SORCS1: variants seen among roughly 807,000 people sequenced by gnomAD.
The protein encoded by SORCS1 is VPS10 domain-containing receptor SorCS1.
Under a neutral mutation model 146.1 loss-of-function variants are expected in SORCS1, and 60 were observed. The observed-to-expected ratio is 0.41, with a 90% CI of 0.33 to 0.51. SORCS1 has a LOEUF of 0.51. SORCS1 is among the 20% of genes least tolerant of loss of function. SORCS1 has a pLI of 0.21. For synonymous variants in SORCS1, 637 were observed against 584.0 expected (o/e 1.09, Z -1.31); for missense variants, 1,352 against 1,487.6 (o/e 0.91, Z 1.50).
At chr10:106,936,265 G>A (rs1953710703) in intron 2 of SORCS1, among the ~76,000 whole-genome samples, 1 of 152,054 alleles carries the variant, frequency 6.6e-6, no homozygotes, top group Admixed American at 6.6e-5. Context: ...TGGGCACTCA[G>A]TTGCATAATC....
chr10:107,080,387 T>C (rs866725697), intron 1 of SORCS1, among the ~76,000 whole-genome samples: 1 of 152,190 alleles, frequency 6.6e-6, no homozygotes, highest in South Asian at 2.1e-4. Context: ...CACTCCAGCA[T>C]TAGCCAGAAG....
At chr10:106,952,878 G>A (rs1288050339) in intron 2 of SORCS1, among the ~76,000 whole-genome samples, 1 of 151,754 alleles carries the variant, frequency 6.6e-6, no homozygotes, top group East Asian at 1.9e-4. Context: ...AGCTACTTGG[G>A]AGGCTAAGGT....
At chr10:107,146,074 T>A (rs1040415017) in intron 1 of SORCS1, among the ~76,000 whole-genome samples, 1 of 152,178 alleles carries the variant, frequency 6.6e-6, no homozygotes, top group South Asian at 2.1e-4. Flanking sequence ...AGAATTTGCC[T>A]CAAAATTTGA....
At chr10:106,785,448 G>A (rs1946012784) in intron 3 of SORCS1, among the ~76,000 whole-genome samples, 1 of 152,124 alleles carries the variant, frequency 6.6e-6, no homozygotes, top group Non-Finnish European at 1.5e-5. Flanking sequence ...TGATGCCCCT[G>A]TACATGTAAT....
rs188994617 is a variant in SORCS1, at chr10:106,646,049, G to A, written c.2475+6333C>T. On this transcript the variant is annotated intron_variant, in intron 18 of 25. Transcript: ENST00000263054. ...AGAGGCTTAGGTGGGCAGATCACTT[G>A]AGGTCACGAGTTCAAGACCAGCCTG... Among the ~76,000 whole-genome samples the A allele has an allele frequency of 5.3e-5, 8 of 152,198 alleles. No homozygotes were observed. The East Asian group carries it at 7.7e-4, about 15-fold the overall frequency.
chr10:107,011,064 G>A (rs1957677848), intron 1 of SORCS1, among the ~76,000 whole-genome samples: 3 of 152,192 alleles, frequency 2.0e-5, no homozygotes, highest in Admixed American at 6.5e-5. Context: ...AGGAGGACAG[G>A]AACCTCAGAA....
At chr10:107,044,765 T>C (rs1327557767) in intron 1 of SORCS1, among the ~76,000 whole-genome samples, 1 of 139,722 alleles carries the variant, frequency 7.2e-6, no homozygotes, top group Non-Finnish European at 1.5e-5. Context: ...TGAGCCAAGA[T>C]GGCGCCATTG....
chr10:107,006,437 AC>A (rs1441314474), intron 1 of SORCS1, among the ~76,000 whole-genome samples: 2 of 152,198 alleles, frequency 1.3e-5, no homozygotes, highest in African/African-American at 4.8e-5. Flanking sequence ...AGGTGAAAGA[AC>A]CCCAGAAGGG....
At chr10:107,016,798 A>G (rs920539894) in intron 1 of SORCS1, among the ~76,000 whole-genome samples, 34 of 152,218 alleles carry the variant, frequency 2.2e-4, no homozygotes, top group Admixed American at 2.2e-3. Context: ...GACTCATACC[A>G]TAAATATATA....
At chr10:106,876,905 G>A (rs933089886) in intron 2 of SORCS1, among the ~76,000 whole-genome samples, 2 of 152,168 alleles carry the variant, frequency 1.3e-5, no homozygotes, top group African/African-American at 4.8e-5. Flanking sequence ...GATAACTGAA[G>A]AGGGGGCATT....
intron 1 of SORCS1, among the ~76,000 whole-genome samples, chr10:107,035,047 A>G (rs529171880): frequency 2.6e-5 from 4 of 152,198 alleles, no homozygotes; most frequent in African/African-American, 9.6e-5. Flanking sequence ...ACACAAATGC[A>G]TGTACAATTT....
At chr10:107,014,269 A>G (rs916772286) in intron 1 of SORCS1, among the ~76,000 whole-genome samples, 25 of 135,388 alleles carry the variant, frequency 1.8e-4, no homozygotes, top group Non-Finnish European at 2.7e-4. Flanking sequence ...AAAAAAAAAA[A>G]AAAGAAAAGA....
At chr10:106,895,001 A>G (rs1015174258) in intron 2 of SORCS1, among the ~76,000 whole-genome samples, 31 of 152,208 alleles carry the variant, frequency 2.0e-4, no homozygotes, top group African/African-American at 7.5e-4. Flanking sequence ...ATTGATATAA[A>G]CCAGATGTCA....
chr10:106,581,052 T>C (rs1844874188), intron 24 of SORCS1, among the ~76,000 whole-genome samples: 1 of 152,148 alleles, frequency 6.6e-6, no homozygotes, highest in African/African-American at 2.4e-5. Flanking sequence ...TGGTTCAAAA[T>C]TAGAAAACAA....
intron 23 of SORCS1, among the ~76,000 whole-genome samples, chr10:106,597,939 C>G (rs1038472929): frequency 6.6e-6 from 1 of 152,054 alleles, no homozygotes. Context: ...CAAAGTACAG[C>G]CACAACGTAA....
At chr10:106,878,488 T>C (rs1464393208) in intron 2 of SORCS1, among the ~76,000 whole-genome samples, 1 of 151,362 alleles carries the variant, frequency 6.6e-6, no homozygotes, top group African/African-American at 2.4e-5. Flanking sequence ...CTTGCCCCTT[T>C]CTGCCATGTG....
intron 1 of SORCS1, among the ~76,000 whole-genome samples, chr10:107,106,211 T>A (rs1208287267): frequency 6.6e-6 from 1 of 152,180 alleles, no homozygotes; most frequent in Non-Finnish European, 1.5e-5. Context: ...TAAGAGTGTA[T>A]TATATTGAAC....
At chr10:106,758,836 C>G (rs570597219) in intron 5 of SORCS1, among the ~76,000 whole-genome samples, 1 of 152,252 alleles carries the variant, frequency 6.6e-6, no homozygotes, top group African/African-American at 2.4e-5. Flanking sequence ...ACTTTAGAAG[C>G]AAGGCTCACA....
chr10:106,978,537 C>T (rs1589838084), intron 1 of SORCS1, among the ~76,000 whole-genome samples: 1 of 152,126 alleles, frequency 6.6e-6, no homozygotes, highest in African/African-American at 2.4e-5. Flanking sequence ...TGGTAGCTCA[C>T]GCCTGTAATC....
Sources: gnomAD v4.1 joint callset for allele counts (sites outside exome capture counted in the v4.1 genomes callset) on GRCh38, gnomAD v4.1.1 for gene constraint, MANE v1.5 for transcripts, NCBI Gene and HGNC (gene_info 2026-07-23, HGNC 2026-07-21) for gene names.